SH2D5: variants seen among roughly 807,000 people sequenced by gnomAD.
SH2D5 encodes SH2 domain-containing protein 5.
SH2D5 carries 45 observed loss-of-function variants against 48.2 expected under a neutral mutation model. The ratio of observed to expected loss-of-function variants is 0.93; its 90% CI spans 0.73 to 1.20. The LOEUF (loss-of-function observed/expected upper bound fraction) is 1.20. Ranked by LOEUF, SH2D5 falls within the 50% of genes most tolerant of loss-of-function variation. SH2D5 has a pLI of 0.00. For synonymous variants in SH2D5, 230 were observed against 249.8 expected, an observed-to-expected ratio of 0.92 and a Z score of 0.75; for missense variants, 538 against 584.1, an observed-to-expected ratio of 0.92 and a Z score of 0.81.
At chr1:20,726,167 C>T in intron 4 of SH2D5, 101 bp from the exon 5 acceptor site, 2 of 1,389,818 alleles carry the variant, frequency 1.4e-6, no homozygotes, top group East Asian at 2.5e-5. Flanking sequence ...CCTTCCAGGC[C>T]CGCCCAGTCT....
intron 8 of SH2D5, 75 bp from the exon 9 acceptor site, chr1:20,722,990 C>A: frequency 7.4e-7 from 1 of 1,347,984 alleles, no homozygotes; most frequent in Non-Finnish European, 9.7e-7. Flanking sequence ...CCAGCAGCAT[C>A]GAGGCAGCCT....
intron 4 of SH2D5, 34 bp from the exon 5 acceptor site, chr1:20,726,100 C>T (rs1425281734): frequency 2.1e-5 from 33 of 1,560,956 alleles, no homozygotes; most frequent in Non-Finnish European, 2.9e-5. Context: ...CCCCATCAGA[C>T]CCACCGGGCA....
At chr1:20,727,880 C>A in intron 2 of SH2D5, 78 bp downstream of exon 2, 1 of 1,180,392 alleles carries the variant, frequency 8.5e-7, no homozygotes, top group Non-Finnish European at 1.2e-6. Context: ...CCTAGGCCCG[C>A]AGCACTTCCC....
At position 20,722,817 on chromosome 1, in the gene SH2D5, G is replaced by A. The variant is rs570258515; in HGVS notation, c.1007C>T (p.Thr336Met). 2.2e-5 allele frequency: 36 copies of A among 1,602,384 alleles called. No homozygotes were observed. Among genetic ancestry groups the A allele is most frequent in the African/African-American group, 8.0e-5 (6 of 74,782 alleles). The change falls in exon 9 of 10, where the codon ACG becomes ATG. Residue 336 changes from threonine to methionine, a missense_variant. Transcript: ENST00000444387. ...ASGQWCLSVR[T>M]QCGVVPHQVF... ...CTGGTGGGGCACCACGCCGCACTGCGTGCGCACGGACAGACACCACTGGCC... is the reference window on the plus strand; with the variant it reads ...CTGGTGGGGCACCACGCCGCACTGCATGCGCACGGACAGACACCACTGGCC...
At position 20,723,610 on chromosome 1, in the gene SH2D5, G is replaced by A. The variant is rs754832190; in HGVS notation, c.908+16C>T. 7.5e-6 allele frequency: 12 copies of A among 1,595,242 alleles called. No homozygotes were observed. In the South Asian group the frequency reaches 1.1e-4, roughly 15 times the overall value. On this transcript the variant is annotated intron_variant, in intron 8 of 9. Transcript: ENST00000444387. ...CCCAAGGGACTGGGCGTCAGGCCAG[G>A]CCAGGCCCTTCCTACCTGGAGATGC...
chr1:20,723,536 C>T lies in SH2D5; in HGVS notation c.908+90G>A, dbSNP rs77550202. The T allele has an allele frequency of 2.1e-3, 2,133 of 1,007,432 alleles. 17 individuals are homozygous for T. The highest frequency in any genetic ancestry group is 0.019 in the African/African-American group (1,189 of 62,748). The allele number at this position is 1,007,432 out of a possible 1,614,324, so 62.4% of individuals were successfully genotyped here. ...AGGTTGGGAGCGCTCTGCCCGTGCA[C>T]GGGAGTGTGTGCCTCAGGGGCCTGG... On this transcript the variant is annotated intron_variant, in intron 8 of 9. Coordinates refer to ENST00000444387, the MANE Select transcript of SH2D5 (RefSeq NM_001103161.2).
At position 20,722,900 on chromosome 1, in the gene SH2D5, G is replaced by A. The variant is rs769972163; in HGVS notation, c.924C>T (p.Ala308=). The change falls in exon 9 of 10, where the codon GCC becomes GCT. Residue 308 remains alanine (A), a synonymous_variant. Coordinates refer to ENST00000444387, the MANE Select transcript of SH2D5 (RefSeq NM_001103161.2). The part of the protein sequence containing the change: ...FAGISRPCAL[A]LLRRDVLGAF... Reference sequence around the variant, plus strand: ...CCCCCAGCACGTCTCTCCGCAACAGGGCCAGGGCACAGGGCCTAGGAGCAC... The same window carrying A: ...CCCCCAGCACGTCTCTCCGCAACAGAGCCAGGGCACAGGGCCTAGGAGCAC... The A allele has an allele frequency of 1.6e-5, 25 of 1,597,216 alleles. No individual in the cohort carries two copies. In the African/African-American group the frequency reaches 2.8e-4, roughly 18 times the overall value.
intron 9 of SH2D5, among the ~76,000 whole-genome samples, 167 bp downstream of exon 9, chr1:20,722,589 A>T (rs1294059622): frequency 6.6e-6 from 1 of 152,194 alleles, no homozygotes; most frequent in African/African-American, 2.4e-5. Flanking sequence ...CAGTAGAGGC[A>T]GGATGGAATT....
rs148400249 is a variant in SH2D5, at chr1:20,726,606, G to A, written c.243+395C>T. ...TCCGCCCCACGCTGGTTCAGCAGCAGGACGAGCCTGCAGCAGGGCAGGGAG... is the reference window on the plus strand; with the variant it reads ...TCCGCCCCACGCTGGTTCAGCAGCAAGACGAGCCTGCAGCAGGGCAGGGAG... On this transcript the variant is annotated intron_variant, in intron 4 of 9. Transcript: ENST00000444387. Among the ~76,000 whole-genome samples, 800 of 152,282 alleles carry A rather than the reference G, an allele frequency of 5.3e-3. 10 individuals are homozygous for A. The highest frequency in any genetic ancestry group is 6.9e-3 in the Non-Finnish European group (469 of 67,988).
intron 3 of SH2D5, 84 bp from the exon 4 acceptor site, chr1:20,727,159 G>T (rs1249915150): frequency 2.4e-6 from 3 of 1,225,070 alleles, no homozygotes; most frequent in African/African-American, 3.0e-5. Flanking sequence ...TCCACCAAAG[G>T]CTGGTCAGCC....
Position 20,728,080 on chromosome 1 carries a change from G to A in SH2D5, c.-36C>T, listed in dbSNP as rs747737002. On this transcript the variant is annotated 5_prime_UTR_variant, in exon 2 of 10. Coordinates refer to ENST00000444387, the MANE Select transcript of SH2D5 (RefSeq NM_001103161.2). This position sits in a 1 kb window ranked among gnomAD's most constrained non-coding sequence, Gnocchi z 4.3. ...GTGCCTGGCTTCCAGCTCCACGGGAGGGGAGGCTGCAAAGGGCAGGGGGGG... is the reference window on the plus strand; with the variant it reads ...GTGCCTGGCTTCCAGCTCCACGGGAAGGGAGGCTGCAAAGGGCAGGGGGGG... 3.9e-5 allele frequency: 57 copies of A among 1,459,890 alleles called. No homozygotes were observed. Among genetic ancestry groups the A allele is most frequent in the Middle Eastern group, 3.7e-4 (2 of 5,440 alleles). The allele number at this position is 1,459,890 out of a possible 1,614,324, so 90.4% of individuals were successfully genotyped here. A position where few individuals can be genotyped will look rare whatever the true frequency, so the allele number is the denominator to read the frequency against.
chr1:20,723,934 C>T (rs2154538466), intron 7 of SH2D5, 149 bp downstream of exon 7: 1 of 1,111,026 alleles, frequency 9.0e-7, no homozygotes, highest in Non-Finnish European at 1.3e-6. Flanking sequence ...GACACGGATG[C>T]AGGCAAACAC....
At position 20,721,372 on chromosome 1, in the gene SH2D5, C is replaced by CT. The variant is rs548454374; in HGVS notation, c.*419dup. On this transcript the variant is annotated 3_prime_UTR_variant, in exon 10 of 10. Transcript: ENST00000444387. ...GCCCAGAGTAAAAGCTCACTCCTGC[C>CT]TCCCCAAAACCCTCTTTCTGGAGAC... 725 of 172,204 alleles carry CT rather than the reference C, an allele frequency of 4.2e-3. 1 individual carries two copies. The highest frequency in any genetic ancestry group is 7.3e-3 in the Middle Eastern group (3 of 410). 10.7% of individuals were successfully genotyped at this position (172,204 alleles called of 1,614,324 possible).
At position 20,732,383 on chromosome 1, in the gene SH2D5, C is replaced by A. The variant is rs2054925876; in HGVS notation, c.-245G>T. 2 of 152,380 alleles carry A rather than the reference C, an allele frequency of 1.3e-5. No homozygotes were observed. Among genetic ancestry groups the A allele is most frequent in the African/African-American group, 4.8e-5 (2 of 41,484 alleles). The allele number at this position is 152,380 out of a possible 1,614,324, so 9.4% of individuals were successfully genotyped here. On this transcript the variant is annotated 5_prime_UTR_variant, in exon 1 of 10. Transcript: ENST00000444387. The surrounding 1 kb of genome is among the most constrained non-coding windows in gnomAD (Gnocchi z 5.1). ...GGTCCCTCCTCCTGGAGGGCCTCTG[C>A]CCCTCCCCTCTCTGGCTGGCTCCTC...
Position 20,722,837 on chromosome 1 carries a change from C to G in SH2D5, c.987G>C (p.Gln329His). The change falls in exon 9 of 10, where the codon CAG (glutamine) becomes CAC (histidine). Residue 329 changes from glutamine to histidine, a missense_variant. Coordinates refer to ENST00000444387, the MANE Select transcript of SH2D5 (RefSeq NM_001103161.2). ...ACTGCGTGCGCACGGACAGACACCA[C>G]TGGCCGCTAGCACCCAGCTCAGGCC... ...LLWPELGASGQWCLSVRTQCG... is the reference protein window; with the variant it reads ...LLWPELGASGHWCLSVRTQCG... The G allele has an allele frequency of 6.2e-7, 1 of 1,605,214 alleles. No individual in the cohort carries two copies. The highest frequency in any genetic ancestry group is 8.5e-7 in the Non-Finnish European group (1 of 1,176,426).
Position 20,726,984 on chromosome 1 carries a change from C to T in SH2D5, c.243+17G>A. On this transcript the variant is annotated intron_variant, in intron 4 of 9. Coordinates refer to ENST00000444387, the MANE Select transcript of SH2D5 (RefSeq NM_001103161.2). The stretch of plus-strand genomic sequence containing the variant: ...TGTACCCCTCCAGTCCTCACCTGCA[C>T]CCACAGGGGTTCCTACCTCACCCTC... 1 of 1,603,920 alleles carries T rather than the reference C, an allele frequency of 6.2e-7. No individual in the cohort carries two copies. The highest frequency in any genetic ancestry group is 8.5e-7 in the Non-Finnish European group (1 of 1,174,580).
chr1:20,727,056 G>A lies in SH2D5; in HGVS notation c.188C>T (p.Ala63Val). ...CTGAAGGCTGAATTTCAGGATGACG[G>A]CCCGGCGTCGGGGACAGTCCTGGGT... ...WALKDCPRRRAVILKFSLQGL... is the reference protein window; with the variant it reads ...WALKDCPRRRVVILKFSLQGL... The change falls in exon 4 of 10, where the codon GCC becomes GTC. Residue 63 changes from alanine to valine, a missense_variant. Coordinates refer to ENST00000444387, the MANE Select transcript of SH2D5 (RefSeq NM_001103161.2). 3 of 1,611,888 alleles carry A rather than the reference G, an allele frequency of 1.9e-6. No homozygotes were observed. The highest frequency in any genetic ancestry group is 2.5e-6 in the Non-Finnish European group (3 of 1,178,992).
chr1:20,721,770 T>A lies in SH2D5; in HGVS notation c.*22A>T. On this transcript the variant is annotated 3_prime_UTR_variant, in exon 10 of 10. Transcript: ENST00000444387. Reference sequence around the variant, plus strand: ...CCAGGAGCCGGGGTGAGGCGGGGCCTGTGGGACCGGGGCCCTACCTCTTAG... The same window carrying A: ...CCAGGAGCCGGGGTGAGGCGGGGCCAGTGGGACCGGGGCCCTACCTCTTAG... The A allele has an allele frequency of 2.7e-6, 4 of 1,497,614 alleles. No individual in the cohort carries two copies. The highest frequency in any genetic ancestry group is 1.8e-6 in the Non-Finnish European group (2 of 1,117,512). The allele number at this position is 1,497,614 out of a possible 1,614,324, so 92.8% of individuals were successfully genotyped here.
In SH2D5 at chr1:20,727,946, G is replaced by A; in HGVS notation, c.87+12C>T. 1 of 1,558,798 alleles carries A rather than the reference G, an allele frequency of 6.4e-7. No individual in the cohort carries two copies. Among genetic ancestry groups the A allele is most frequent in the East Asian group, 2.4e-5 (1 of 42,128 alleles). On this transcript the variant is annotated intron_variant, in intron 2 of 9. Transcript: ENST00000444387. ...CCACCAGAGCACACCTGGACAGGGT[G>A]GCCCCACCCACCTGGGCAAACTTGG...
Sources: gnomAD v4.1 joint callset for allele counts (sites outside exome capture counted in the v4.1 genomes callset) on GRCh38, gnomAD v4.1.1 for gene constraint, Gnocchi (gnomAD v3.1) non-coding constraint, MANE v1.5 for transcripts, NCBI Gene and HGNC (gene_info 2026-07-23, HGNC 2026-07-21) for gene names.